Variants in ADAMTS2 observed in about 807,000 individuals in gnomAD.
The protein encoded by ADAMTS2 is ADAM metallopeptidase with thrombospondin type 1 motif 2.
Under a neutral mutation model 123.0 loss-of-function variants are expected in ADAMTS2, and 50 were observed. That is an observed-to-expected ratio of 0.41 (90% CI 0.32 to 0.51). The LOEUF (loss-of-function observed/expected upper bound fraction) is 0.51, where lower values mean the gene tolerates loss of function less well. Ranked by LOEUF, ADAMTS2 falls within the 20% of genes least tolerant of loss-of-function variation. The probability of loss-of-function intolerance (pLI) is 0.35; values close to 1 mark genes in which losing one functional copy is unlikely to be tolerated. For synonymous variants in ADAMTS2, 678 were observed against 695.4 expected, an observed-to-expected ratio of 0.98 and a Z score of 0.39; for missense variants, 1,494 against 1,705.2, an observed-to-expected ratio of 0.88 and a Z score of 2.18.
Position 179,328,275 on chromosome 5 carries a change from A to G in ADAMTS2, c.534+15492T>C, listed in dbSNP as rs1418734892. On this transcript the variant is annotated intron_variant, in intron 2 of 21. Coordinates refer to ENST00000251582, the MANE Select transcript of ADAMTS2 (RefSeq NM_014244.5). ...TCTCGATTTCCTGACCTCGTGATCCACCCGCCTCGGCCTCCCAAAGTGCTG... is the reference window on the plus strand; with the variant it reads ...TCTCGATTTCCTGACCTCGTGATCCGCCCGCCTCGGCCTCCCAAAGTGCTG... 1.1e-4 allele frequency among the ~76,000 whole-genome samples: 17 copies of G among 152,186 alleles called. No homozygotes were observed. In the East Asian group the frequency reaches 2.9e-3, roughly 26 times the overall value.
In ADAMTS2 at chr5:179,194,457, A is replaced by T. The variant is rs1030497226; in HGVS notation, c.891+13056T>A. Among the ~76,000 whole-genome samples, 6 of 152,200 alleles carry T rather than the reference A, an allele frequency of 3.9e-5. No homozygotes were observed. In the East Asian group the frequency reaches 5.8e-4, roughly 15 times the overall value. The stretch of plus-strand genomic sequence containing the variant: ...GCCTCAGAACAGGAGGACACAGTAG[A>T]TCTATGCAGAAGCCAAGGCAAAGCA... On this transcript the variant is annotated intron_variant, in intron 4 of 21. Coordinates refer to ENST00000251582, the MANE Select transcript of ADAMTS2 (RefSeq NM_014244.5).
intron 2 of ADAMTS2, among the ~76,000 whole-genome samples, chr5:179,327,931 C>T (rs1757356666): frequency 6.6e-6 from 1 of 152,158 alleles, no homozygotes; most frequent in South Asian, 2.1e-4. Flanking sequence ...CAAATAATAA[C>T]AAGGAAGTTC....
In ADAMTS2 at chr5:179,344,021, T is replaced by A. The variant is rs774865066; in HGVS notation, c.280A>T (p.Thr94Ser). The A allele has an allele frequency of 6.2e-7, 1 of 1,612,436 alleles. No homozygotes were observed. Among genetic ancestry groups the A allele is most frequent in the South Asian group, 1.1e-5 (1 of 91,022 alleles). ...TCGTTGCCTCCGGGGAAGCTCGGGG[T>A]CCGGACCGGGGCGGCCCTGCGGGCT... Reference protein sequence around the residue: ...VRARRAAPVRTPSFPGGNEEE... With the variant: ...VRARRAAPVRSPSFPGGNEEE... Residue 94 changes from threonine to serine, a missense_variant, in exon 2 of 22, where the codon ACC becomes TCC. Transcript: ENST00000251582.
At chr5:179,320,004 T>G (rs1382212469) in intron 2 of ADAMTS2, among the ~76,000 whole-genome samples, 1 of 152,220 alleles carries the variant, frequency 6.6e-6, no homozygotes, top group African/African-American at 2.4e-5. Flanking sequence ...CTGCCCAGCC[T>G]GACGGCTCCT....
intron 1 of ADAMTS2, 31 bp from the exon 2 acceptor site, chr5:179,344,192 A>C: frequency 6.4e-7 from 1 of 1,557,572 alleles, no homozygotes; most frequent in South Asian, 1.2e-5. Context: ...AGATCGGCGG[A>C]GACCACGGAG....
chr5:179,204,125 C>T (rs1055409339), intron 4 of ADAMTS2, among the ~76,000 whole-genome samples: 7 of 152,158 alleles, frequency 4.6e-5, no homozygotes, highest in Non-Finnish European at 7.3e-5. Context: ...TCCACTTATG[C>T]GAGGTACCCA....
At chr5:179,157,998 A>G (rs989269346) in intron 6 of ADAMTS2, among the ~76,000 whole-genome samples, 2 of 149,960 alleles carry the variant, frequency 1.3e-5, no homozygotes, top group African/African-American at 4.9e-5. Context: ...AGAGTCTCGC[A>G]CTGTCTCCCA....
chr5:179,235,146 C>A (rs1765495887), intron 3 of ADAMTS2, among the ~76,000 whole-genome samples: 1 of 152,226 alleles, frequency 6.6e-6, no homozygotes, highest in Non-Finnish European at 1.5e-5. Context: ...GACTCAAGCA[C>A]CCTGTGCTTC....
Position 179,223,470 on chromosome 5 carries a change from AC to A in ADAMTS2, c.689-15756del, listed in dbSNP as rs1291974509. Among the ~76,000 whole-genome samples the A allele has an allele frequency of 4.6e-5, 7 of 151,268 alleles. No homozygotes were observed. In the East Asian group the frequency reaches 1.2e-3, roughly 25 times the overall value. On this transcript the variant is annotated intron_variant, in intron 3 of 21. Coordinates refer to ENST00000251582, the MANE Select transcript of ADAMTS2 (RefSeq NM_014244.5). ...CACACGCACACTCACACACGAATGC[AC>A]TCACACACAAATGGACTCACACTCA...
At chr5:179,221,299 T>G (rs1765120334) in intron 3 of ADAMTS2, among the ~76,000 whole-genome samples, 1 of 152,140 alleles carries the variant, frequency 6.6e-6, no homozygotes, top group Non-Finnish European at 1.5e-5. Flanking sequence ...CCCCAGCATC[T>G]GGCTCTGTCC....
At chr5:179,142,446 C>T (rs1176631165) in intron 10 of ADAMTS2, among the ~76,000 whole-genome samples, 1 of 152,184 alleles carries the variant, frequency 6.6e-6, no homozygotes, top group Non-Finnish European at 1.5e-5. Context: ...TGGCAACACC[C>T]TGCCCCTGTG....
intron 2 of ADAMTS2, among the ~76,000 whole-genome samples, chr5:179,283,883 C>T (rs1048625199): frequency 2.7e-5 from 4 of 150,586 alleles, no homozygotes; most frequent in Non-Finnish European, 5.9e-5. Flanking sequence ...GAGACAGACC[C>T]TGACTCAAAA....
rs76405800 is a variant in ADAMTS2, at chr5:179,170,871, G to A, written c.975+10201C>T. On this transcript the variant is annotated intron_variant, in intron 5 of 21. Coordinates refer to ENST00000251582, the MANE Select transcript of ADAMTS2 (RefSeq NM_014244.5). This position sits in a 1 kb window ranked among gnomAD's most constrained non-coding sequence, Gnocchi z 4.3. ...CTCTGGGCTGGCCGGATGCTTTGGG[G>A]GCACAAGGATACATCTCCTCCCACG... Among the ~76,000 whole-genome samples the A allele has an allele frequency of 0.014, 2,161 of 152,208 alleles. 53 individuals are homozygous for A. Among genetic ancestry groups the A allele is most frequent in the African/African-American group, 0.049 (2,040 of 41,528 alleles).
At chr5:179,220,295 G>A (rs574901805) in intron 3 of ADAMTS2, among the ~76,000 whole-genome samples, 70 of 152,336 alleles carry the variant, frequency 4.6e-4, no homozygotes, top group African/African-American at 1.4e-3. Context: ...CCGGCAAGTG[G>A]GGTGCTGACA....
In ADAMTS2 at chr5:179,189,215, C is replaced by T. The variant is rs1007806748; in HGVS notation, c.892-8060G>A. On this transcript the variant is annotated intron_variant, in intron 4 of 21. Coordinates refer to ENST00000251582, the MANE Select transcript of ADAMTS2 (RefSeq NM_014244.5). This position sits in a 1 kb window ranked among gnomAD's most constrained non-coding sequence, Gnocchi z 4.2. ...GCGTCCATGTGAAGAGATCACCAAACAGGCTTTGTGTGAGCAATAAAGCTT... is the reference window on the plus strand; with the variant it reads ...GCGTCCATGTGAAGAGATCACCAAATAGGCTTTGTGTGAGCAATAAAGCTT... Among the ~76,000 whole-genome samples the T allele has an allele frequency of 3.3e-5, 5 of 152,210 alleles. No homozygotes were observed. Among genetic ancestry groups the T allele is most frequent in the African/African-American group, 1.2e-4 (5 of 41,436 alleles).
chr5:179,341,368 G>T, intron 2 of ADAMTS2: 1 of 372,784 alleles, frequency 2.7e-6, no homozygotes, highest in Non-Finnish European at 5.3e-6. Context: ...AAGGAAGGAA[G>T]GAAGGAAGGA....
intron 3 of ADAMTS2, among the ~76,000 whole-genome samples, chr5:179,258,950 GCT>G (rs553126755): frequency 4.6e-5 from 7 of 152,280 alleles, no homozygotes; most frequent in Admixed American, 4.6e-4. Context: ...TCCGGCCGCT[GCT>G]CTCATTCCCA....
At position 179,181,937 on chromosome 5, in the gene ADAMTS2, C is replaced by T. The variant is rs1327676511; in HGVS notation, c.892-782G>A. Reference sequence around the variant, plus strand: ...AACATAGGTCAGGTTATCCCGGGCTCGAGGCTGTCAGGGGCTTCCTTCGCA... The same window carrying T: ...AACATAGGTCAGGTTATCCCGGGCTTGAGGCTGTCAGGGGCTTCCTTCGCA... On this transcript the variant is annotated intron_variant, in intron 4 of 21. Coordinates refer to ENST00000251582, the MANE Select transcript of ADAMTS2 (RefSeq NM_014244.5). The surrounding 1 kb of genome is among the most constrained non-coding windows in gnomAD (Gnocchi z 4.1). 6.6e-6 allele frequency among the ~76,000 whole-genome samples: 1 copy of T among 152,134 alleles called. No individual in the cohort carries two copies. The highest frequency in any genetic ancestry group is 2.4e-5 in the African/African-American group (1 of 41,432).
In ADAMTS2 at chr5:179,332,140, C is replaced by A. The variant is rs1245962504; in HGVS notation, c.534+11627G>T. ...ATGTGTTCATTAATAGAACAGATCACAGAACTCAGGGAGGCATTTTACTTA... is the reference window on the plus strand; with the variant it reads ...ATGTGTTCATTAATAGAACAGATCAAAGAACTCAGGGAGGCATTTTACTTA... On this transcript the variant is annotated intron_variant, in intron 2 of 21. Coordinates refer to ENST00000251582, the MANE Select transcript of ADAMTS2 (RefSeq NM_014244.5). This position sits in a 1 kb window ranked among gnomAD's most constrained non-coding sequence, Gnocchi z 4.2. 6.6e-6 allele frequency among the ~76,000 whole-genome samples: 1 copy of A among 152,214 alleles called. No homozygotes were observed. The highest frequency in any genetic ancestry group is 2.4e-5 in the African/African-American group (1 of 41,458).
Sources: allele counts gnomAD v4.1 joint callset (sites outside exome capture counted in the v4.1 genomes callset), GRCh38; gene constraint gnomAD v4.1.1; non-coding constraint Gnocchi (gnomAD v3.1); transcripts MANE v1.5; gene names NCBI Gene and HGNC (gene_info 2026-07-23, HGNC 2026-07-21).